The following SIK2 variants were observed in gnomAD, a reference collection of about 807,000 sequenced individuals.
SIK2 encodes the protein salt inducible kinase 2.
In SIK2, 29 loss-of-function variants were observed where a neutral mutation model predicts 103.2. The observed-to-expected ratio is 0.28, with a 90% CI of 0.21 to 0.38. SIK2 has a LOEUF of 0.38. Ranked by LOEUF, SIK2 falls within the 10% of genes least tolerant of loss-of-function variation. The probability of loss-of-function intolerance (pLI) is 1.00; values close to 1 mark genes in which losing one functional copy is unlikely to be tolerated. For missense variants in SIK2, 879 were observed against 1,171.0 expected, an observed-to-expected ratio of 0.75 and a Z score of 3.64; for synonymous variants, 412 against 446.1, an observed-to-expected ratio of 0.92 and a Z score of 0.96.
At position 111,701,076 on chromosome 11, in the gene SIK2, T is replaced by C; in HGVS notation, c.603+66T>C. 6.4e-7 allele frequency: 1 copy of C among 1,560,014 alleles called. No individual in the cohort carries two copies. The highest frequency in any genetic ancestry group is 8.7e-7 in the Non-Finnish European group (1 of 1,148,958). ...TGATAATACTTGGTGTTCTGGCCCA[T>C]CTTAGAAGCTCCTGGTACTTAACAC... On this transcript the variant is annotated intron_variant, in intron 5 of 14. Coordinates refer to ENST00000304987, the MANE Select transcript of SIK2 (RefSeq NM_015191.3). The surrounding 1 kb of genome is among the most constrained non-coding windows in gnomAD (Gnocchi z 4.2).
chr11:111,682,586 T>C (rs1565352025), intron 3 of SIK2, among the ~76,000 whole-genome samples: 1 of 151,850 alleles, frequency 6.6e-6, no homozygotes, highest in Admixed American at 6.6e-5. Flanking sequence ...GTATTTAGAG[T>C]GAAACAAATT....
intron 3 of SIK2, among the ~76,000 whole-genome samples, chr11:111,678,251 C>T (rs964292276): frequency 6.6e-6 from 1 of 152,156 alleles, no homozygotes; most frequent in South Asian, 2.1e-4. Context: ...ATCCCTGTAC[C>T]TCTAACATTT....
chr11:111,700,568 T>G (rs1037490353), intron 4 of SIK2, among the ~76,000 whole-genome samples: 13 of 152,208 alleles, frequency 8.5e-5, no homozygotes, highest in African/African-American at 3.1e-4. Context: ...ATTCTAAGAT[T>G]ATCAAATACT....
intron 3 of SIK2, among the ~76,000 whole-genome samples, chr11:111,682,359 T>C: frequency 6.6e-6 from 1 of 151,574 alleles, no homozygotes; most frequent in Non-Finnish European, 1.5e-5. Flanking sequence ...AGGGTGAGAG[T>C]AAGGGTACTG....
intron 3 of SIK2, among the ~76,000 whole-genome samples, chr11:111,636,533 AAG>A (rs1181142140): frequency 1.3e-5 from 2 of 152,232 alleles, no homozygotes; most frequent in Admixed American, 1.3e-4. Context: ...GTGGGATTAA[AAG>A]AAAATATGTG....
At chr11:111,617,184 G>C (rs1176402999) in intron 2 of SIK2, among the ~76,000 whole-genome samples, 1 of 152,078 alleles carries the variant, frequency 6.6e-6, no homozygotes, top group African/African-American at 2.4e-5. Flanking sequence ...AGGGGGTACA[G>C]GTGCAATTTT....
At chr11:111,630,344 G>A (rs1250292888) in intron 3 of SIK2, among the ~76,000 whole-genome samples, 1 of 152,160 alleles carries the variant, frequency 6.6e-6, no homozygotes, top group Non-Finnish European at 1.5e-5. Context: ...AGAGGGACAA[G>A]AGAGAACTAT....
At chr11:111,708,052 G>A (rs1256336545) in intron 8 of SIK2, among the ~76,000 whole-genome samples, 1 of 152,198 alleles carries the variant, frequency 6.6e-6, no homozygotes, top group African/African-American at 2.4e-5. Context: ...CCTGGAAACA[G>A]TTGCTCCCCT....
chr11:111,617,436 G>A (rs1362121500), intron 2 of SIK2, among the ~76,000 whole-genome samples: 1 of 152,158 alleles, frequency 6.6e-6, no homozygotes, highest in African/African-American at 2.4e-5. Flanking sequence ...TCTCCAGAGT[G>A]TGATGTGTAT....
intron 1 of SIK2, among the ~76,000 whole-genome samples, chr11:111,612,158 T>C (rs893455112): frequency 1.3e-5 from 2 of 152,220 alleles, no homozygotes; most frequent in Non-Finnish European, 2.9e-5. Context: ...AAGTTGGAGT[T>C]AGAAGGCCTA....
chr11:111,646,664 T>C (rs1384094026), intron 3 of SIK2, among the ~76,000 whole-genome samples: 4 of 152,320 alleles, frequency 2.6e-5, no homozygotes, highest in African/African-American at 9.6e-5. Context: ...CAGCTGTACA[T>C]AGATTAGCTT....
chr11:111,655,390 C>T (rs1221010290), intron 3 of SIK2, among the ~76,000 whole-genome samples: 1 of 152,128 alleles, frequency 6.6e-6, no homozygotes. Flanking sequence ...AGCAACAGAG[C>T]GAGACTCTGT....
At chr11:111,628,030 G>C (rs1356457390) in intron 3 of SIK2, among the ~76,000 whole-genome samples, 1 of 152,006 alleles carries the variant, frequency 6.6e-6, no homozygotes, top group African/African-American at 2.4e-5. Flanking sequence ...TATTACAACT[G>C]TGTTCAGTAA....
At position 111,688,005 on chromosome 11, in the gene SIK2, T is replaced by C. The variant is rs1208879587; in HGVS notation, c.321T>C (p.Tyr107=). ...EYAKNGEIFD[Y]LANHGRLNES... is the part of the protein sequence containing the mutation. ...TAATCCTCTCTTCATTTACAGACTA[T>C]CTTGCTAATCATGGCCGGTTAAATG... Residue 107 remains tyrosine (Y), a synonymous_variant, in exon 4 of 15, where the codon TAT becomes TAC. Coordinates refer to ENST00000304987, the MANE Select transcript of SIK2 (RefSeq NM_015191.3). This position sits in a 1 kb window ranked among gnomAD's most constrained non-coding sequence, Gnocchi z 4.2. The C allele has an allele frequency of 5.6e-6, 9 of 1,614,110 alleles. No homozygotes were observed. Among genetic ancestry groups the C allele is most frequent in the Non-Finnish European group, 7.6e-6 (9 of 1,180,012 alleles).
rs974480108 is a variant in SIK2 at position 111,618,187 on chromosome 11, C to G, written c.252+1828C>G. 2.0e-5 allele frequency among the ~76,000 whole-genome samples: 3 copies of G among 152,172 alleles called. No homozygotes were observed. In the East Asian group the frequency reaches 5.8e-4, roughly 29 times the overall value. On this transcript the variant is annotated intron_variant, in intron 2 of 14. Transcript: ENST00000304987. ...CACATGTACAGTTCACAATAGGGTT[C>G]CTACTCCTATGAGAATTTAATGCCA...
intron 7 of SIK2, among the ~76,000 whole-genome samples, chr11:111,704,394 A>C (rs1394091746): frequency 6.6e-6 from 1 of 152,196 alleles, no homozygotes; most frequent in Non-Finnish European, 1.5e-5. Context: ...AGATGTGAAC[A>C]TTTGGGAAGC....
At chr11:111,641,509 T>TTATTTTCTGCTTTTGTTTACTTTA (rs1171841068) in intron 3 of SIK2, among the ~76,000 whole-genome samples, 1 of 152,246 alleles carries the variant, frequency 6.6e-6, no homozygotes, top group African/African-American at 2.4e-5. Context: ...TTGAAATATC[T>TTATTTTCTGCTTTTGTTTACTTTA]TATTTTCTGC....
chr11:111,724,138 C>T lies in SIK2; in HGVS notation c.*9C>T, dbSNP rs764329568. 2.5e-6 allele frequency: 4 copies of T among 1,602,460 alleles called. No individual in the cohort carries two copies. In the South Asian group the frequency reaches 4.4e-5, roughly 18 times the overall value. ...ATGTCCTGGTGAATTAGTCTCAGCA[C>T]AGGAATTGAGGTGGGTCAGGTGAAG... On this transcript the variant is annotated 3_prime_UTR_variant, in exon 15 of 15. Coordinates refer to ENST00000304987, the MANE Select transcript of SIK2 (RefSeq NM_015191.3).
intron 3 of SIK2, chr11:111,672,321 C>A (rs1344737905): frequency 4.7e-6 from 2 of 428,086 alleles, no homozygotes; most frequent in South Asian, 3.5e-5. Flanking sequence ...AGGCACCAGG[C>A]CTGCTCGTGG....
Sources: allele counts gnomAD v4.1 joint callset (sites outside exome capture counted in the v4.1 genomes callset), GRCh38; gene constraint gnomAD v4.1.1; non-coding constraint Gnocchi (gnomAD v3.1); transcripts MANE v1.5; gene names NCBI Gene and HGNC (gene_info 2026-07-23, HGNC 2026-07-21).